Variants in ADD1 observed in about 807,000 individuals in gnomAD.
ADD1 encodes alpha-adducin.
ADD1 carries 24 observed loss-of-function variants against 80.5 expected under a neutral mutation model. The observed-to-expected ratio is 0.30, with a 90% CI of 0.22 to 0.42. ADD1 has a LOEUF of 0.42. Ranked by LOEUF, ADD1 falls within the 10% of genes least tolerant of loss-of-function variation. The pLI is 1.00. For missense variants in ADD1, 948 were observed against 1,019.0 expected (o/e 0.93, Z 0.95); for synonymous variants, 373 against 393.8 (o/e 0.95, Z 0.63).
rs759997340 is a variant in ADD1, at chr4:2,898,387, C to T, written c.886-46C>T. The T allele has an allele frequency of 6.2e-6, 10 of 1,613,856 alleles. No homozygotes were observed. The South Asian group carries it at 9.9e-5, about 16-fold the overall frequency. On this transcript the variant is annotated intron_variant, in intron 7 of 15. Transcript: ENST00000683351. ...GCAGAAAGAAGAATAAAGCAAAGGA[C>T]CAGTCTTCCTGCCCAGCTCCACAGA...
intron 13 of ADD1, among the ~76,000 whole-genome samples, chr4:2,912,787 AAAGTGCTGGGATTAT>A (rs1738299196): frequency 6.6e-6 from 1 of 152,128 alleles, no homozygotes; most frequent in South Asian, 2.1e-4. Context: ...TTGGCCTCCC[AAAGTGCTGGGATTAT>A]AAGCATGAGC....
chr4:2,845,430 A>C (rs898056168), intron 1 of ADD1, among the ~76,000 whole-genome samples: 1 of 152,186 alleles, frequency 6.6e-6, no homozygotes, highest in African/African-American at 2.4e-5. Context: ...AGAATAGTAA[A>C]GTTGTCTTTT....
intron 2 of ADD1, among the ~76,000 whole-genome samples, chr4:2,880,463 C>CTTTTTTTTTTTTTTTTTTTT (rs1167878841): frequency 1.6e-5 from 1 of 63,162 alleles, no homozygotes; most frequent in African/African-American, 6.3e-5. Flanking sequence ...TTCTTTCTTT[C>CTTTTTTTTTTTTTTTTTTTT]TTTTTTTTTT....
chr4:2,915,928 C>T (rs1167245111), intron 14 of ADD1, among the ~76,000 whole-genome samples: 1 of 152,158 alleles, frequency 6.6e-6, no homozygotes. Flanking sequence ...GCGCGCCATA[C>T]TAAGACACAC....
intron 14 of ADD1, among the ~76,000 whole-genome samples, chr4:2,922,880 G>A (rs1462172623): frequency 6.6e-6 from 1 of 152,266 alleles, no homozygotes; most frequent in Non-Finnish European, 1.5e-5. Flanking sequence ...CAGTGGCTTT[G>A]CATAGCTGCG....
intron 13 of ADD1, among the ~76,000 whole-genome samples, chr4:2,911,139 GGAC>G (rs1417481753): frequency 1.3e-5 from 2 of 152,148 alleles, no homozygotes; most frequent in African/African-American, 4.8e-5. Flanking sequence ...GACCAAGCAA[GGAC>G]GACTGTGTCC....
chr4:2,923,738 A>C (rs150016602), intron 14 of ADD1, among the ~76,000 whole-genome samples: 1 of 152,218 alleles, frequency 6.6e-6, no homozygotes, highest in Non-Finnish European at 1.5e-5. Context: ...GCCCAGTGCT[A>C]TTGTGCGTAC....
chr4:2,875,047 G>A (rs748351461), intron 1 of ADD1, among the ~76,000 whole-genome samples: 20 of 152,116 alleles, frequency 1.3e-4, no homozygotes, highest in Non-Finnish European at 2.8e-4. Context: ...TGCAACTCAG[G>A]GATACCCCCA....
intron 1 of ADD1, among the ~76,000 whole-genome samples, chr4:2,874,074 TGTG>T (rs1191895186): frequency 6.7e-6 from 1 of 148,974 alleles, no homozygotes; most frequent in Non-Finnish European, 1.5e-5. Flanking sequence ...AATAGCCAGG[TGTG>T]GTGATGTGGG....
intron 14 of ADD1, among the ~76,000 whole-genome samples, chr4:2,918,355 G>T (rs569478013): frequency 6.6e-6 from 1 of 152,288 alleles, no homozygotes; most frequent in East Asian, 1.9e-4. Flanking sequence ...GATTTTTGCA[G>T]TTGATTTTGT....
chr4:2,913,879 C>T (rs990340902), intron 13 of ADD1, among the ~76,000 whole-genome samples: 1 of 151,980 alleles, frequency 6.6e-6, no homozygotes, highest in East Asian at 1.9e-4. Flanking sequence ...TGTGTAAGTG[C>T]TGGATAACTG....
In ADD1 at chr4:2,899,382, T is replaced by C. The variant is rs913151449; in HGVS notation, c.1108T>C (p.Trp370Arg). Residue 370 changes from tryptophan (W) to arginine (R), a missense_variant, in exon 9 of 16, where the codon TGG becomes CGG. Physicochemically the swap from Trp to Arg is moderately radical, Grantham distance 101 (BLOSUM62 -3). Coordinates refer to ENST00000683351, the MANE Select transcript of ADD1 (RefSeq NM_001354761.2). The part of the protein sequence containing the change: ...VGEGTGSPPK[W>R]QIGEQEFEAL... The stretch of plus-strand genomic sequence containing the variant: ...GGAAGGCACTGGATCGCCTCCCAAG[T>C]GGCAGATTGGTGAGCAGGAATTTGA... 12 of 1,614,072 alleles carry C rather than the reference T, an allele frequency of 7.4e-6. No individual in the cohort carries two copies. In the African/African-American group the frequency reaches 1.5e-4, roughly 20 times the overall value.
intron 3 of ADD1, among the ~76,000 whole-genome samples, chr4:2,883,058 C>T (rs530047135): frequency 7.9e-4 from 121 of 152,246 alleles, no homozygotes; most frequent in Non-Finnish European, 1.1e-3. Context: ...AGACGGATTT[C>T]GCCATGTTGG....
At chr4:2,927,539 C>G (rs932406377) in intron 15 of ADD1, among the ~76,000 whole-genome samples, 1 of 152,250 alleles carries the variant, frequency 6.6e-6, no homozygotes, top group African/African-American at 2.4e-5. Context: ...GGAAGGCGCC[C>G]CCAGGCTGTG....
intron 2 of ADD1, chr4:2,881,651 A>C (rs188024216): frequency 3.4e-4 from 120 of 353,926 alleles, no homozygotes; most frequent in African/African-American, 2.4e-3. Flanking sequence ...ACTTCCTTGA[A>C]TGTTTCCTTA....
intron 1 of ADD1, among the ~76,000 whole-genome samples, chr4:2,874,313 T>TCTC (rs1730904964): frequency 6.6e-6 from 1 of 152,032 alleles, no homozygotes; most frequent in African/African-American, 2.4e-5. Flanking sequence ...GCCTTTAAGT[T>TCTC]CTCGAAGTAG....
intron 10 of ADD1, chr4:2,905,713 G>C (rs1037706465): frequency 1.9e-5 from 3 of 155,280 alleles, no homozygotes; most frequent in Non-Finnish European, 4.3e-5. Flanking sequence ...GTCACCTTCT[G>C]ACTCCTGTTG....
intron 1 of ADD1, among the ~76,000 whole-genome samples, chr4:2,863,777 C>T (rs1729147299): frequency 6.6e-6 from 1 of 151,978 alleles, no homozygotes; most frequent in Non-Finnish European, 1.5e-5. Flanking sequence ...CTGTGTTGCC[C>T]AGGCTGGTCT....
chr4:2,926,559 T>G lies in ADD1; in HGVS notation c.2047+447T>G. On this transcript the variant is annotated intron_variant, in intron 15 of 15. Transcript: ENST00000683351. The surrounding 1 kb of genome is among the most constrained non-coding windows in gnomAD (Gnocchi z 5.0). ...CGTGAAGCCCGTGGCCCTGCCTTTC[T>G]TCTTCTGTAACCTGATGGCTGTGAC... The G allele has an allele frequency of 6.5e-7, 1 of 1,526,794 alleles. No individual in the cohort carries two copies. Among genetic ancestry groups the G allele is most frequent in the African/African-American group, 1.4e-5 (1 of 73,068 alleles). 94.6% of individuals were successfully genotyped at this position (1,526,794 alleles called of 1,614,324 possible).
Sources: gnomAD v4.1 joint callset for allele counts (sites outside exome capture counted in the v4.1 genomes callset) on GRCh38, gnomAD v4.1.1 for gene constraint, Gnocchi (gnomAD v3.1) non-coding constraint, MANE v1.5 for transcripts, NCBI Gene and HGNC (gene_info 2026-07-23, HGNC 2026-07-21) for gene names.